Variants in ABL1 observed in about 807,000 individuals in gnomAD.
The protein encoded by ABL1 is ABL proto-oncogene 1, non-receptor tyrosine kinase, also known as tyrosine-protein kinase ABL1.
ABL1 carries 11 observed loss-of-function variants against 94.7 expected under a neutral mutation model. That is an observed-to-expected ratio of 0.12 (90% confidence interval 0.07 to 0.19). ABL1 has a LOEUF of 0.19. Ranked by LOEUF, ABL1 falls within the 10% of genes least tolerant of loss-of-function variation. The probability of loss-of-function intolerance (pLI) is 1.00; values close to 1 mark genes in which losing one functional copy is unlikely to be tolerated. For synonymous variants in ABL1, 656 were observed against 622.4 expected, an observed-to-expected ratio of 1.05 and a Z score of -0.80; for missense variants, 1,082 against 1,489.4, an observed-to-expected ratio of 0.73 and a Z score of 4.50.
At chr9:130,797,258 AAAAAAAAGAACTT>A (rs1829991165) in intron 1 of ABL1, among the ~76,000 whole-genome samples, 2 of 140,070 alleles carry the variant, frequency 1.4e-5, no homozygotes, top group Admixed American at 7.9e-5. Context: ...AAAAAAAAAA[AAAAAAAAGAACTT>A]TGAATAAACT....
chr9:130,767,125 G>T (rs933832087), intron 1 of ABL1, among the ~76,000 whole-genome samples: 6 of 152,106 alleles, frequency 3.9e-5, no homozygotes, highest in Non-Finnish European at 8.8e-5. Flanking sequence ...ACATCTTTTC[G>T]GAAAGACCTT....
intron 1 of ABL1, among the ~76,000 whole-genome samples, chr9:130,841,611 GACCA>G: frequency 6.6e-6 from 1 of 151,656 alleles, no homozygotes; most frequent in East Asian, 2.0e-4. Flanking sequence ...AGGAGTTCGA[GACCA>G]GCCTGGCCAA....
At chr9:130,737,557 C>T (rs906893776) in intron 1 of ABL1, among the ~76,000 whole-genome samples, 1 of 152,166 alleles carries the variant, frequency 6.6e-6, no homozygotes, top group African/African-American at 2.4e-5. Flanking sequence ...GTGTGAGCCA[C>T]CACACCCAGC....
At chr9:130,723,477 C>G (rs542405195) in intron 1 of ABL1, among the ~76,000 whole-genome samples, 2 of 152,050 alleles carry the variant, frequency 1.3e-5, no homozygotes, top group Non-Finnish European at 1.5e-5. Flanking sequence ...TCCAGGAGTT[C>G]GAGGCTGAAG....
In ABL1 at chr9:130,742,784, T is replaced by C. The variant is rs534536578; in HGVS notation, c.136+28329T>C. ...TATGTGTGTATCGTATGTATGTTTA[T>C]ATGTATATCAGATGTACGCACATTA... On this transcript the variant is annotated intron_variant, in intron 1 of 10. Coordinates refer to the ABL1 transcript ENST00000372348. Among the ~76,000 whole-genome samples, 11 of 152,288 alleles carry C rather than the reference T, an allele frequency of 7.2e-5. No individual in the cohort carries two copies. In the South Asian group the frequency reaches 1.9e-3, roughly 26 times the overall value.
intron 1 of ABL1, among the ~76,000 whole-genome samples, chr9:130,762,728 G>A (rs1160774250): frequency 1.3e-5 from 2 of 151,916 alleles, no homozygotes; most frequent in African/African-American, 4.8e-5. Context: ...TGGCTAACAC[G>A]GTGAAACCCC....
chr9:130,733,175 T>C (rs899395134), intron 1 of ABL1, among the ~76,000 whole-genome samples: 1 of 152,156 alleles, frequency 6.6e-6, no homozygotes, highest in African/African-American at 2.4e-5. Flanking sequence ...TACAGTAATA[T>C]CTAAACTGAT....
At chr9:130,836,843 AAAAG>A (rs1564305398) in intron 1 of ABL1, among the ~76,000 whole-genome samples, 2 of 150,446 alleles carry the variant, frequency 1.3e-5, no homozygotes, top group East Asian at 1.9e-4. Flanking sequence ...AAAAAAAAAA[AAAAG>A]AGTAGAAAGA....
chr9:130,872,200 G>A lies in ABL1; in HGVS notation c.894G>A (p.Leu298=), dbSNP rs1141212. The change falls in exon 5 of 11, where the codon CTG becomes CTA. Residue 298 remains leucine, a synonymous_variant. Transcript: ENST00000318560. The surrounding 1 kb of genome is among the most constrained non-coding windows in gnomAD (Gnocchi z 5.0). ...AVMKEIKHPN[L]VQLLGVCTRE... Reference sequence around the variant, plus strand: ...TGAAAGAGATCAAACACCCTAACCTGGTGCAGCTCCTTGGTGAGTAAGCCC... The same window carrying A: ...TGAAAGAGATCAAACACCCTAACCTAGTGCAGCTCCTTGGTGAGTAAGCCC... 2 of 1,613,904 alleles carry A rather than the reference G, an allele frequency of 1.2e-6. No individual in the cohort carries two copies. Among genetic ancestry groups the A allele is most frequent in the Non-Finnish European group, 1.7e-6 (2 of 1,179,848 alleles).
Position 130,784,839 on chromosome 9 carries a change from C to T in ABL1, c.137-69225C>T, listed in dbSNP as rs924467022. Among the ~76,000 whole-genome samples the T allele has an allele frequency of 5.3e-5, 8 of 152,268 alleles. No individual in the cohort carries two copies. In the South Asian group the frequency reaches 1.0e-3, roughly 20 times the overall value. On this transcript the variant is annotated intron_variant, in intron 1 of 10. Transcript: ENST00000372348. ...TACAGGAGGCTTAGAGTGCTAAAAC[C>T]GAGATGCTTCCCCTGCATAAGGCCA...
At chr9:130,734,417 G>A (rs1360494249) in intron 1 of ABL1, among the ~76,000 whole-genome samples, 5 of 150,244 alleles carry the variant, frequency 3.3e-5, no homozygotes, top group East Asian at 4.0e-4. Flanking sequence ...GGGTTTCACC[G>A]TGTTAGCCAG....
At chr9:130,768,901 TGATGTGTTC>T (rs1832216922) in intron 1 of ABL1, among the ~76,000 whole-genome samples, 1 of 152,214 alleles carries the variant, frequency 6.6e-6, no homozygotes. Flanking sequence ...TTATGTGGAT[TGATGTGTTC>T]AATGTGTTCA....
At chr9:130,732,063 T>C (rs1831673325) in intron 1 of ABL1, among the ~76,000 whole-genome samples, 2 of 152,166 alleles carry the variant, frequency 1.3e-5, no homozygotes, top group African/African-American at 4.8e-5. Flanking sequence ...TCAGTACTTG[T>C]CCCTTGATAG....
chr9:130,802,881 A>G, intron 1 of ABL1, among the ~76,000 whole-genome samples: 1 of 152,098 alleles, frequency 6.6e-6, no homozygotes, highest in Admixed American at 6.5e-5. Context: ...GTTTGAACAC[A>G]AATGTGTTTC....
chr9:130,757,521 CA>C (rs370552138), intron 1 of ABL1, among the ~76,000 whole-genome samples: 1 of 147,692 alleles, frequency 6.8e-6, no homozygotes, highest in Admixed American at 6.9e-5. Flanking sequence ...AAGGTTGAAC[CA>C]CTGTACTCCA....
intron 1 of ABL1, among the ~76,000 whole-genome samples, chr9:130,796,340 T>C (rs1829973338): frequency 6.6e-6 from 1 of 152,042 alleles, no homozygotes; most frequent in African/African-American, 2.4e-5. Flanking sequence ...TTGGGCAACA[T>C]AGCGAAACCT....
intron 7 of ABL1, among the ~76,000 whole-genome samples, chr9:130,877,691 C>T (rs984434509): frequency 6.2e-5 from 9 of 145,766 alleles, no homozygotes; most frequent in Admixed American, 1.4e-4. Context: ...CCCAGGCTGG[C>T]GTGCAGTGGA....
chr9:130,731,116 C>T (rs1588213927), intron 1 of ABL1, among the ~76,000 whole-genome samples: 1 of 146,934 alleles, frequency 6.8e-6, no homozygotes, highest in East Asian at 2.0e-4. Context: ...AAGAGATTCT[C>T]CTGCCTCAGT....
At chr9:130,744,036 T>C in intron 1 of ABL1, among the ~76,000 whole-genome samples, 1 of 152,280 alleles carries the variant, frequency 6.6e-6, no homozygotes, top group South Asian at 2.1e-4. Flanking sequence ...ATTTTATCTT[T>C]AAAACAAATT....
Sources: gnomAD v4.1 joint callset for allele counts (sites outside exome capture counted in the v4.1 genomes callset) on GRCh38, gnomAD v4.1.1 for gene constraint, Gnocchi (gnomAD v3.1) non-coding constraint, MANE v1.5 for transcripts, NCBI Gene and HGNC (gene_info 2026-07-23, HGNC 2026-07-21) for gene names.